TSNARE1: variants seen among roughly 807,000 people sequenced by gnomAD.
TSNARE1 encodes the protein t-SNARE domain containing 1.
A neutral mutation model predicts 62.0 loss-of-function variants in TSNARE1; 49 were observed. The ratio of observed to expected loss-of-function variants is 0.79; its 90% confidence interval spans 0.63 to 1.00. The LOEUF (loss-of-function observed/expected upper bound fraction) is 1.00. Among genes scored for constraint, TSNARE1 ranks in the 50% least tolerant of loss-of-function variants. The pLI is 0.00. For missense variants in TSNARE1, 755 were observed against 700.1 expected (o/e 1.08, Z -0.88); for synonymous variants, 328 against 294.4 (o/e 1.11, Z -1.17).
chr8:142,275,558 C>T (rs1820328835), intron 11 of TSNARE1: 1 of 985,440 alleles, frequency 1.0e-6, no homozygotes, highest in Non-Finnish European at 1.2e-6. Flanking sequence ...AAAGGAAGGA[C>T]ACATGCCACC....
intron 9 of TSNARE1, among the ~76,000 whole-genome samples, chr8:142,309,788 C>T (rs1487015219): frequency 1.3e-5 from 2 of 152,122 alleles, no homozygotes; most frequent in East Asian, 1.9e-4. Context: ...TTCCTCCTGC[C>T]GTATTCTCTG....
intron 6 of TSNARE1, among the ~76,000 whole-genome samples, chr8:142,323,367 C>T (rs1038251404): frequency 2.0e-4 from 30 of 152,134 alleles, no homozygotes; most frequent in Admixed American, 1.8e-3. Flanking sequence ...ATGGGGCAGG[C>T]GAGGCGAGGA....
In TSNARE1 at chr8:142,326,686, C is replaced by T. The variant is rs529316933; in HGVS notation, c.893+4215G>A. On this transcript the variant is annotated intron_variant, in intron 6 of 13. Coordinates refer to ENST00000524325, the MANE Select transcript of TSNARE1 (RefSeq NM_145003.5). ...GGGGAGGGCCCCAGAGAGCACGAGA[C>T]GGATGAGGAACCAGCACCAGTAAAG... Among the ~76,000 whole-genome samples, 485 of 152,186 alleles carry T rather than the reference C, an allele frequency of 3.2e-3. 9 individuals carry two copies. The highest frequency in any genetic ancestry group is 0.01 in the Middle Eastern group (3 of 294).
At chr8:142,296,948 AC>A (rs1428606727) in intron 10 of TSNARE1, among the ~76,000 whole-genome samples, 3 of 151,870 alleles carry the variant, frequency 2.0e-5, no homozygotes, top group Non-Finnish European at 4.4e-5. Context: ...GCCTCATGGC[AC>A]CCCCTGGGTC....
intron 9 of TSNARE1, among the ~76,000 whole-genome samples, chr8:142,308,971 T>A (rs1827147525): frequency 1.3e-5 from 2 of 152,310 alleles, no homozygotes; most frequent in African/African-American, 4.8e-5. Context: ...CATCTGTCAT[T>A]TCTCTTAGTA....
In TSNARE1 at chr8:142,291,714, G is replaced by C. The variant is rs1396391421; in HGVS notation, c.1291-7229C>G. ...CCTAACGAGAACCCAACAGTGTGTG[G>C]GGGGCGAGCGTGGGAGCGGCAGGGG... On this transcript the variant is annotated intron_variant, in intron 10 of 13. Coordinates refer to ENST00000524325, the MANE Select transcript of TSNARE1 (RefSeq NM_145003.5). The surrounding 1 kb of genome is among the most constrained non-coding windows in gnomAD (Gnocchi z 4.8). 6.6e-6 allele frequency among the ~76,000 whole-genome samples: 1 copy of C among 152,192 alleles called. No individual in the cohort carries two copies. Among genetic ancestry groups the C allele is most frequent in the Non-Finnish European group, 1.5e-5 (1 of 68,032 alleles).
At chr8:142,249,684 G>A (rs1018019733) in intron 12 of TSNARE1, among the ~76,000 whole-genome samples, 7 of 152,148 alleles carry the variant, frequency 4.6e-5, no homozygotes, top group African/African-American at 7.2e-5. Context: ...CGTCAGGACC[G>A]GCTCATGAGA....
intron 10 of TSNARE1, among the ~76,000 whole-genome samples, chr8:142,298,629 G>C (rs1002909277): frequency 6.6e-6 from 1 of 152,206 alleles, no homozygotes; most frequent in African/African-American, 2.4e-5. Flanking sequence ...GCCCTCTGTG[G>C]GGGTTTGGGC....
intron 10 of TSNARE1, among the ~76,000 whole-genome samples, chr8:142,286,418 G>A (rs749428599): frequency 8.5e-5 from 13 of 152,316 alleles, no homozygotes; most frequent in Non-Finnish European, 1.5e-4. Context: ...AAACTGACAC[G>A]TAGTATCAAT....
rs79936949 is a variant in TSNARE1 at position 142,217,879 on chromosome 8, A to G, written c.*12-5566T>C. On this transcript the variant is annotated intron_variant, in intron 13 of 13. Coordinates refer to ENST00000524325, the MANE Select transcript of TSNARE1 (RefSeq NM_145003.5). ...GATCAGGGCTCAGTGTGTGGCCAGG[A>G]TCAGGGCTCAGTGTGTGACCAGGAT... Among the ~76,000 whole-genome samples the G allele has an allele frequency of 3.1e-4, 13 of 41,344 alleles. 1 individual carries two copies. The highest frequency in any genetic ancestry group is 1.1e-3 in the East Asian group (1 of 944). The allele number at this position is 41,344 out of a possible 152,430, so 27.1% of individuals were successfully genotyped here. A position where few individuals can be genotyped will look rare whatever the true frequency, so the allele number is the denominator to read the frequency against.
At chr8:142,394,682 G>A (rs567214827) in intron 1 of TSNARE1, among the ~76,000 whole-genome samples, 2 of 152,310 alleles carry the variant, frequency 1.3e-5, no homozygotes, top group South Asian at 4.1e-4. Context: ...CACCTCTCAG[G>A]TTGGACAGAA....
Position 142,300,505 on chromosome 8 carries a change from TC to T in TSNARE1, c.1270del (p.Glu424ArgfsTer13). 6.2e-7 allele frequency: 1 copy of T among 1,606,342 alleles called. No homozygotes were observed. Among genetic ancestry groups the T allele is most frequent in the Admixed American group, 1.7e-5 (1 of 59,994 alleles). On this transcript the variant is annotated frameshift_variant, in exon 10 of 14. Coordinates refer to ENST00000524325, the MANE Select transcript of TSNARE1 (RefSeq NM_145003.5). LOFTEE classifies it high-confidence loss of function. ...EDLEAIRLRE[E>X]AILQMESNLL... ...CCTCACCTCCATCTGCAGGATGGCCTCCTCCCGCAGCCGGATGGCCTCCAGG... is the reference window on the plus strand; with the variant it reads ...CCTCACCTCCATCTGCAGGATGGCCTCTCCCGCAGCCGGATGGCCTCCAGG...
chr8:142,282,208 T>C (rs1821615084), intron 11 of TSNARE1, among the ~76,000 whole-genome samples: 1 of 152,082 alleles, frequency 6.6e-6, no homozygotes, highest in African/African-American at 2.4e-5. Context: ...CATGCCGCTC[T>C]CCCTACACCC....
At position 142,222,492 on chromosome 8, in the gene TSNARE1, C is replaced by CCACTCATCCACTCACT. The variant is rs1563755236; in HGVS notation, c.*11+6980_*11+6981insAGTGAGTGGATGAGTG. Among the ~76,000 whole-genome samples the CCACTCATCCACTCACT allele has an allele frequency of 6.9e-3, 110 of 15,952 alleles. 4 individuals carry two copies. Among genetic ancestry groups the CCACTCATCCACTCACT allele is most frequent in the South Asian group, 0.014 (6 of 414 alleles). The allele number at this position is 15,952 out of a possible 152,430, so 10.5% of individuals were successfully genotyped here. A position where few individuals can be genotyped will look rare whatever the true frequency, so the allele number is the denominator to read the frequency against. ...CTCATCCACTCACTCACTCACTCAT[C>CCACTCATCCACTCACT]CACTCACTCATCCACTCACTCACTC... On this transcript the variant is annotated intron_variant, in intron 13 of 13. Coordinates refer to ENST00000524325, the MANE Select transcript of TSNARE1 (RefSeq NM_145003.5).
At chr8:142,259,211 G>A (rs1003326299) in intron 12 of TSNARE1, among the ~76,000 whole-genome samples, 1 of 152,246 alleles carries the variant, frequency 6.6e-6, no homozygotes, top group Non-Finnish European at 1.5e-5. Context: ...CCCAACTCCC[G>A]TGACTGCTGT....
chr8:142,285,286 G>GGATGGATGGGTA (rs1388282185), intron 10 of TSNARE1, among the ~76,000 whole-genome samples: 78 of 151,142 alleles, frequency 5.2e-4, no homozygotes, highest in African/African-American at 1.6e-3. Flanking sequence ...GTAGGTGGAT[G>GGATGGATGGGTA]GATGGATGGG....
intron 12 of TSNARE1, among the ~76,000 whole-genome samples, chr8:142,253,019 G>A (rs1258792649): frequency 3.3e-5 from 5 of 152,180 alleles, no homozygotes; most frequent in Middle Eastern, 3.2e-3. Context: ...CCCTGCCCAC[G>A]TCCCCTCCCC....
intron 9 of TSNARE1, among the ~76,000 whole-genome samples, chr8:142,300,972 CA>C (rs1563863425): frequency 5.3e-5 from 8 of 151,180 alleles, no homozygotes; most frequent in Non-Finnish European, 7.4e-5. Flanking sequence ...AGGAAGGGTC[CA>C]TGCTGCGGCC....
chr8:142,280,179 G>T, intron 11 of TSNARE1: 1 of 985,446 alleles, frequency 1.0e-6, no homozygotes, highest in Non-Finnish European at 1.2e-6. Flanking sequence ...TCTCCTGGGG[G>T]CTGAAGTTGG....
Sources: gnomAD v4.1 joint callset for allele counts (sites outside exome capture counted in the v4.1 genomes callset) on GRCh38, gnomAD v4.1.1 for gene constraint, Gnocchi (gnomAD v3.1) non-coding constraint, MANE v1.5 for transcripts, NCBI Gene and HGNC (gene_info 2026-07-23, HGNC 2026-07-21) for gene names.